PTPRT: variants seen among roughly 807,000 people sequenced by gnomAD.
The protein encoded by PTPRT is receptor-type tyrosine-protein phosphatase T.
Under a neutral mutation model 176.8 loss-of-function variants are expected in PTPRT, and 56 were observed. The observed-to-expected ratio is 0.32, with a 90% CI of 0.26 to 0.40. PTPRT has a LOEUF of 0.40. Ranked by LOEUF, PTPRT falls within the 10% of genes least tolerant of loss-of-function variation. The pLI is 1.00. For missense variants in PTPRT, 1,540 were observed against 1,908.2 expected (o/e 0.81, Z 3.60); for synonymous variants, 783 against 739.0 (o/e 1.06, Z -0.96).
chr20:42,270,636 T>G (rs2056918994), intron 13 of PTPRT, among the ~76,000 whole-genome samples: 1 of 152,084 alleles, frequency 6.6e-6, no homozygotes, highest in African/African-American at 2.4e-5. Flanking sequence ...TTAAAAAAAA[T>G]GAAACAAGAG....
chr20:42,248,508 C>A (rs1432469030), intron 14 of PTPRT, among the ~76,000 whole-genome samples, 179 bp downstream of exon 14: 1 of 152,210 alleles, frequency 6.6e-6, no homozygotes, highest in African/African-American at 2.4e-5. Context: ...AAACAGGCAG[C>A]ATGCACCCTT....
At chr20:43,048,003 C>T (rs1178342643) in intron 1 of PTPRT, among the ~76,000 whole-genome samples, 1 of 152,106 alleles carries the variant, frequency 6.6e-6, no homozygotes, top group African/African-American at 2.4e-5. Flanking sequence ...AAGGATCTCA[C>T]CTTAGCAGTG....
chr20:43,179,945 C>T (rs774435875), intron 1 of PTPRT, among the ~76,000 whole-genome samples: 2 of 152,182 alleles, frequency 1.3e-5, no homozygotes, highest in South Asian at 2.1e-4. Context: ...CTAACAGATG[C>T]CCAGCTAGCT....
At chr20:42,177,414 A>T (rs1184800132) in intron 16 of PTPRT, among the ~76,000 whole-genome samples, 1 of 152,240 alleles carries the variant, frequency 6.6e-6, no homozygotes, top group African/African-American at 2.4e-5. Flanking sequence ...GTTCAAAACC[A>T]ACCAAAAAAT....
intron 6 of PTPRT, among the ~76,000 whole-genome samples, chr20:42,727,056 G>A (rs2146251889): frequency 6.6e-6 from 1 of 152,204 alleles, no homozygotes; most frequent in Middle Eastern, 3.4e-3. Flanking sequence ...TGAGGTACCA[G>A]AGTATCTCTG....
At chr20:42,304,941 T>C (rs1451525375) in intron 12 of PTPRT, among the ~76,000 whole-genome samples, 1 of 152,240 alleles carries the variant, frequency 6.6e-6, no homozygotes, top group Non-Finnish European at 1.5e-5. Flanking sequence ...TTTTTTTCCT[T>C]GGCTTCGAGG....
intron 9 of PTPRT, among the ~76,000 whole-genome samples, chr20:42,408,163 G>A (rs1334929107): frequency 1.3e-5 from 2 of 152,092 alleles, no homozygotes; most frequent in Non-Finnish European, 2.9e-5. Context: ...ATTTTAAAGT[G>A]TATATGGAAG....
chr20:42,573,260 C>A (rs1438991571), intron 7 of PTPRT, among the ~76,000 whole-genome samples: 1 of 152,168 alleles, frequency 6.6e-6, no homozygotes, highest in Non-Finnish European at 1.5e-5. Context: ...TGCACAAGCC[C>A]AGCCTGCACT....
At chr20:42,762,413 T>C (rs1356463188) in intron 5 of PTPRT, among the ~76,000 whole-genome samples, 1 of 151,564 alleles carries the variant, frequency 6.6e-6, no homozygotes, top group Non-Finnish European at 1.5e-5. Context: ...GCTGATGTCC[T>C]CTTAAGTCCC....
At chr20:42,626,818 T>C (rs1228654031) in intron 7 of PTPRT, among the ~76,000 whole-genome samples, 1 of 152,188 alleles carries the variant, frequency 6.6e-6, no homozygotes, top group Non-Finnish European at 1.5e-5. Context: ...TAAGGATCTG[T>C]TACTTCTTGG....
At chr20:42,097,373 C>T (rs942626961) in intron 27 of PTPRT, among the ~76,000 whole-genome samples, 1 of 152,222 alleles carries the variant, frequency 6.6e-6, no homozygotes, top group Non-Finnish European at 1.5e-5. Context: ...TCGCCTTTGC[C>T]TCTGCTGTTC....
intron 1 of PTPRT, among the ~76,000 whole-genome samples, chr20:43,132,133 T>C (rs768340555): frequency 3.9e-5 from 6 of 152,136 alleles, no homozygotes; most frequent in Non-Finnish European, 5.9e-5. Flanking sequence ...TTATCACCAT[T>C]GTTACTGAAC....
At chr20:42,315,213 A>C (rs1038117070) in intron 12 of PTPRT, among the ~76,000 whole-genome samples, 16 of 33,870 alleles carry the variant, frequency 4.7e-4, no homozygotes, top group African/African-American at 1.8e-3. Context: ...AAAAAAAAAA[A>C]TGGTTACCTT....
At chr20:42,926,406 T>C (rs1979488120) in intron 1 of PTPRT, among the ~76,000 whole-genome samples, 1 of 152,224 alleles carries the variant, frequency 6.6e-6, no homozygotes, top group African/African-American at 2.4e-5. Context: ...AATATTTTTT[T>C]TCTAAGCAAC....
chr20:42,891,154 G>C (rs1259203803), intron 1 of PTPRT, among the ~76,000 whole-genome samples: 2 of 152,180 alleles, frequency 1.3e-5, no homozygotes, highest in African/African-American at 4.8e-5. Context: ...ACACTCATCT[G>C]GATGCTAACC....
At chr20:42,751,703 G>A (rs2076772888) in intron 6 of PTPRT, among the ~76,000 whole-genome samples, 2 of 152,092 alleles carry the variant, frequency 1.3e-5, no homozygotes, top group South Asian at 2.1e-4. Context: ...TGCTGCCCTC[G>A]AACATCAGGC....
chr20:43,074,482 T>C (rs1054761589), intron 1 of PTPRT, among the ~76,000 whole-genome samples: 1 of 152,182 alleles, frequency 6.6e-6, no homozygotes, highest in African/African-American at 2.4e-5. Flanking sequence ...GGATGGAAAG[T>C]AACATTGAAT....
At chr20:42,415,071 A>G (rs4812595) in intron 9 of PTPRT, among the ~76,000 whole-genome samples, 59,231 of 152,104 alleles carry the variant, frequency 0.39, 12,808 homozygotes, top group Admixed American at 0.51. Context: ...CTGAAGGAAC[A>G]TGTAAGTAAA....
chr20:42,645,459 G>C (rs2074870852), intron 7 of PTPRT, among the ~76,000 whole-genome samples: 1 of 152,084 alleles, frequency 6.6e-6, no homozygotes, highest in South Asian at 2.1e-4. Context: ...ACCCTTCATT[G>C]GTCTTTATTC....
Sources: allele counts gnomAD v4.1 joint callset (sites outside exome capture counted in the v4.1 genomes callset), GRCh38; gene constraint gnomAD v4.1.1; transcripts MANE v1.5; gene names NCBI Gene and HGNC (gene_info 2026-07-23, HGNC 2026-07-21).